RABGEF1: variants seen among roughly 807,000 people sequenced by gnomAD.
The protein encoded by RABGEF1 is rab5 GDP/GTP exchange factor.
RABGEF1 carries 26 observed loss-of-function variants against 57.3 expected under a neutral mutation model. The ratio of observed to expected loss-of-function variants is 0.45; its 90% CI spans 0.33 to 0.63. The LOEUF is 0.63. RABGEF1 is among the 20% of genes least tolerant of loss of function. RABGEF1 has a pLI of 0.02. For synonymous variants in RABGEF1, 185 were observed against 210.7 expected (o/e 0.88, Z 1.06); for missense variants, 464 against 607.6 (o/e 0.76, Z 2.48).
chr7:66,694,483 G>C (rs188295514), intron 1 of RABGEF1, among the ~76,000 whole-genome samples: 13 of 152,262 alleles, frequency 8.5e-5, no homozygotes, highest in African/African-American at 2.9e-4. Context: ...CAGAGGGCCC[G>C]GCGGGGCCTG....
the RABGEF1 span, among the ~76,000 whole-genome samples, chr7:66,659,561 C>T: frequency 6.6e-6 from 1 of 151,980 alleles, no homozygotes; most frequent in Non-Finnish European, 1.5e-5. Context: ...AGGTGGATCA[C>T]TTGAGTTCAA....
the RABGEF1 span, among the ~76,000 whole-genome samples, chr7:66,655,899 C>T: frequency 6.6e-6 from 1 of 152,190 alleles, no homozygotes; most frequent in African/African-American, 2.4e-5. Context: ...GGAGAAGGGA[C>T]AGTCAAGATA....
At chr7:66,728,771 C>T (rs796238883) in intron 2 of RABGEF1, among the ~76,000 whole-genome samples, 1 of 142,044 alleles carries the variant, frequency 7.0e-6, no homozygotes. Context: ...GCCATCCTCA[C>T]CTCCACCCTC....
At chr7:66,688,107 A>AAT (rs1790972339) in intron 1 of RABGEF1, among the ~76,000 whole-genome samples, 2 of 141,812 alleles carry the variant, frequency 1.4e-5, no homozygotes, top group African/African-American at 5.1e-5. Flanking sequence ...AAAAAAAAAA[A>AAT]GTAACCAAAT....
At chr7:66,743,810 T>C (rs996236471) in intron 1 of RABGEF1, among the ~76,000 whole-genome samples, 6 of 152,050 alleles carry the variant, frequency 3.9e-5, no homozygotes, top group South Asian at 2.1e-4. Context: ...CTAAATTTTT[T>C]TGTAGAGATG....
At chr7:66,714,991 G>A (rs1795206309) in intron 2 of RABGEF1, among the ~76,000 whole-genome samples, 1 of 152,132 alleles carries the variant, frequency 6.6e-6, no homozygotes, top group South Asian at 2.1e-4. Flanking sequence ...GAAAACTTTC[G>A]TCGTCCTCCT....
At chr7:66,805,468 C>G (rs1788229441) in intron 8 of RABGEF1, 72 bp downstream of exon 8, 7 of 1,584,640 alleles carry the variant, frequency 4.4e-6, no homozygotes, top group African/African-American at 1.3e-5. Context: ...TGACAGGTCA[C>G]TTAGGCCCGT....
chr7:66,688,594 A>G (rs1791062288), intron 1 of RABGEF1, among the ~76,000 whole-genome samples: 1 of 152,258 alleles, frequency 6.6e-6, no homozygotes, highest in African/African-American at 2.4e-5. Context: ...ATGAAACTAG[A>G]CATCAGTAAC....
At chr7:66,683,382 CT>C (rs1438717548) in intron 1 of RABGEF1, among the ~76,000 whole-genome samples, 1 of 152,118 alleles carries the variant, frequency 6.6e-6, no homozygotes, top group East Asian at 1.9e-4. Flanking sequence ...TAACATTTTG[CT>C]TTTAAGAGTT....
chr7:66,714,711 G>A (rs111439465), intron 2 of RABGEF1, among the ~76,000 whole-genome samples: 2,187 of 152,188 alleles, frequency 0.014, 27 homozygotes, highest in Middle Eastern at 0.027. Context: ...CCAGGCGGGC[G>A]GATCATGAGG....
chr7:66,781,235 T>C (rs1809816149), intron 3 of RABGEF1, among the ~76,000 whole-genome samples: 1 of 152,194 alleles, frequency 6.6e-6, no homozygotes, highest in African/African-American at 2.4e-5. Context: ...AATACATCTT[T>C]AACTTACCTA....
chr7:66,693,811 CTT>C (rs534419507), intron 1 of RABGEF1, among the ~76,000 whole-genome samples: 25 of 141,734 alleles, frequency 1.8e-4, no homozygotes, highest in Non-Finnish European at 2.8e-4. Flanking sequence ...CCTTTTTTTT[CTT>C]TTTTTTTTTT....
chr7:66,753,703 T>TTTG (rs1554314167), intron 1 of RABGEF1, among the ~76,000 whole-genome samples: 1 of 114,166 alleles, frequency 8.8e-6, no homozygotes, highest in Admixed American at 8.7e-5. Flanking sequence ...TTGCCATCGT[T>TTTG]TTTTTTTTTT....
intron 1 of RABGEF1, among the ~76,000 whole-genome samples, chr7:66,765,606 A>G (rs777959279): frequency 2.3e-4 from 35 of 152,174 alleles, no homozygotes; most frequent in Non-Finnish European, 4.6e-4. Context: ...AGGACCTTCT[A>G]CTTTTCTCTG....
intron 1 of RABGEF1, among the ~76,000 whole-genome samples, chr7:66,746,875 C>T (rs1415437881): frequency 6.6e-6 from 1 of 152,064 alleles, no homozygotes; most frequent in African/African-American, 2.4e-5. Flanking sequence ...TTACTACAAC[C>T]TCTGCCTCCT....
At chr7:66,716,415 C>A (rs997301066) in intron 2 of RABGEF1, among the ~76,000 whole-genome samples, 3 of 152,100 alleles carry the variant, frequency 2.0e-5, no homozygotes, top group African/African-American at 7.2e-5. Context: ...GCCTGGGCAA[C>A]GTGACGAAAA....
At chr7:66,715,111 ACTC>A (rs1376964577) in intron 2 of RABGEF1, among the ~76,000 whole-genome samples, 1 of 138,190 alleles carries the variant, frequency 7.2e-6, no homozygotes, top group Non-Finnish European at 1.6e-5. Flanking sequence ...TCCTCCTCCA[ACTC>A]CTCCTCTTCC....
chr7:66,733,545 A>C (rs921955119), intron 2 of RABGEF1, among the ~76,000 whole-genome samples: 1 of 152,082 alleles, frequency 6.6e-6, no homozygotes, highest in African/African-American at 2.4e-5. Context: ...TAAAAATACA[A>C]AAATTAGCTG....
At chr7:66,793,075 T>C (rs183737320) in intron 4 of RABGEF1, among the ~76,000 whole-genome samples, 55 of 152,234 alleles carry the variant, frequency 3.6e-4, no homozygotes, top group African/African-American at 1.2e-3. Flanking sequence ...GGGAGGAGAA[T>C]ATGATCCCTT....
Sources: gnomAD v4.1 joint callset for allele counts (sites outside exome capture counted in the v4.1 genomes callset) on GRCh38, gnomAD v4.1.1 for gene constraint, MANE v1.5 for transcripts, NCBI Gene and HGNC (gene_info 2026-07-23, HGNC 2026-07-21) for gene names.